CLSTN3: variants seen among roughly 807,000 people sequenced by gnomAD.
CLSTN3 encodes the protein calsyntenin 3.
CLSTN3 carries 36 observed loss-of-function variants against 95.9 expected under a neutral mutation model. That is an observed-to-expected ratio of 0.38 (90% CI 0.29 to 0.50). The LOEUF is 0.50. CLSTN3 is among the 20% of genes least tolerant of loss of function. The pLI, the probability that CLSTN3 is intolerant of heterozygous loss-of-function variation, is 0.95. For synonymous variants in CLSTN3, 481 were observed against 504.0 expected (o/e 0.95, Z 0.61); for missense variants, 1,084 against 1,268.8 (o/e 0.85, Z 2.21).
intron 1 of CLSTN3, chr12:7,131,779 C>T (rs908532410): frequency 8.8e-6 from 4 of 456,304 alleles, no homozygotes; most frequent in Non-Finnish European, 1.8e-5. Context: ...TGTACCGCCT[C>T]CTGTGCACCA....
At chr12:7,154,234 CT>C (rs1939779503) in intron 16 of CLSTN3, among the ~76,000 whole-genome samples, 1 of 152,182 alleles carries the variant, frequency 6.6e-6, no homozygotes, top group South Asian at 2.1e-4. Context: ...TGTTGCAGAA[CT>C]GTGGTTTCAC....
In CLSTN3 at chr12:7,157,363, G is replaced by A. The variant is rs1254213770; in HGVS notation, c.2528-126G>A. The stretch of plus-strand genomic sequence containing the variant: ...CTTCTCCAGGTGTTCCTCTCTTCTC[G>A]GCCACCGTGTGTTCTGCCCTGGGAG... On this transcript the variant is annotated intron_variant, in intron 16 of 17. Transcript: ENST00000266546. The surrounding 1 kb of genome is among the most constrained non-coding windows in gnomAD (Gnocchi z 5.9). 9.2e-6 allele frequency: 7 copies of A among 760,910 alleles called. 1 individual carries two copies. The highest frequency in any genetic ancestry group is 1.0e-5 in the Non-Finnish European group (5 of 495,682). The allele number at this position is 760,910 out of a possible 1,614,324, so 47.1% of individuals were successfully genotyped here.
At chr12:7,144,279 G>A (rs1193905638) in intron 12 of CLSTN3, among the ~76,000 whole-genome samples, 1 of 148,400 alleles carries the variant, frequency 6.7e-6, no homozygotes, top group Admixed American at 6.7e-5. Context: ...TGAATTCTAA[G>A]TGAATGACTT....
chr12:7,136,487 T>C, intron 6 of CLSTN3, 96 bp downstream of exon 6: 1 of 1,104,998 alleles, frequency 9.0e-7, no homozygotes. Context: ...CCACTGGCCA[T>C]CCACAGGTGT....
intron 8 of CLSTN3, among the ~76,000 whole-genome samples, chr12:7,140,646 G>C (rs918452218): frequency 1.2e-4 from 19 of 152,152 alleles, no homozygotes; most frequent in African/African-American, 4.3e-4. Context: ...AGCTATCCTA[G>C]AGATAACCTG....
Position 7,150,748 on chromosome 12 carries a change from G to T in CLSTN3, c.2391+59G>T. The T allele has an allele frequency of 2.5e-6, 4 of 1,593,456 alleles. No individual in the cohort carries two copies. The highest frequency in any genetic ancestry group is 2.2e-5 in the South Asian group (2 of 89,520). On this transcript the variant is annotated intron_variant, in intron 15 of 17. Transcript: ENST00000266546. The surrounding 1 kb of genome is among the most constrained non-coding windows in gnomAD (Gnocchi z 4.0). Reference sequence around the variant, plus strand: ...CCACCCCCAGAAAGGAGCTGAGGTGGCATGGACTCAAAATGTTAGTTGGTG... The same window carrying T: ...CCACCCCCAGAAAGGAGCTGAGGTGTCATGGACTCAAAATGTTAGTTGGTG...
Position 7,136,199 on chromosome 12 carries a change from C to T in CLSTN3, c.743-7C>T, listed in dbSNP as rs1400820042. The T allele has an allele frequency of 6.2e-7, 1 of 1,612,508 alleles. No individual in the cohort carries two copies. The highest frequency in any genetic ancestry group is 8.5e-7 in the Non-Finnish European group (1 of 1,179,120). ...TCCCCATCACCCTCTCTGTCTCACC[C>T]ATGCAGGCTGGAACAAAAGGATCGA... On this transcript the variant is annotated splice_region_variant and splice_polypyrimidine_tract_variant and intron_variant, in intron 5 of 17. Coordinates refer to ENST00000266546, the MANE Select transcript of CLSTN3 (RefSeq NM_014718.4).
At position 7,133,520 on chromosome 12, in the gene CLSTN3, G is replaced by A; in HGVS notation, c.188-53G>A. On this transcript the variant is annotated intron_variant, in intron 2 of 17. Coordinates refer to ENST00000266546, the MANE Select transcript of CLSTN3 (RefSeq NM_014718.4). This position sits in a 1 kb window ranked among gnomAD's most constrained non-coding sequence, Gnocchi z 4.7. ...GCTGGACCCCAGGTGGGGAGACTGA[G>A]GGTGGGGAAGGAGACACAGCAGCCT... 1.3e-6 allele frequency: 2 copies of A among 1,575,044 alleles called. No individual in the cohort carries two copies. The highest frequency in any genetic ancestry group is 2.2e-5 in the South Asian group (2 of 89,806).
In CLSTN3 at chr12:7,135,312, C is replaced by G; in HGVS notation, c.384-15C>G. ...CTGACGTGTCTTCATCCCTCCTTCT[C>G]TCTGGCATATGCAGGGCCACTGTGC... On this transcript the variant is annotated splice_polypyrimidine_tract_variant and intron_variant, in intron 3 of 17. Coordinates refer to ENST00000266546, the MANE Select transcript of CLSTN3 (RefSeq NM_014718.4). The G allele has an allele frequency of 1.2e-6, 2 of 1,612,700 alleles. No homozygotes were observed. The highest frequency in any genetic ancestry group is 1.1e-5 in the South Asian group (1 of 91,046).
chr12:7,129,751 T>G (rs1939242600), upstream of CLSTN3: 1 of 985,266 alleles, frequency 1.0e-6, no homozygotes, highest in Admixed American at 6.2e-5. The surrounding 1 kb of genome is among the most constrained non-coding windows in gnomAD (Gnocchi z 5.5). Flanking sequence ...CTGGGCTTGG[T>G]TCATCATGGT....
At position 7,141,734 on chromosome 12, in the gene CLSTN3, C is replaced by T. The variant is rs1005312234; in HGVS notation, c.1486+330C>T. 2.6e-5 allele frequency among the ~76,000 whole-genome samples: 4 copies of T among 152,150 alleles called. No individual in the cohort carries two copies. Among genetic ancestry groups the T allele is most frequent in the East Asian group, 1.9e-4 (1 of 5,190 alleles). On this transcript the variant is annotated intron_variant, in intron 9 of 17. Transcript: ENST00000266546. This position sits in a 1 kb window ranked among gnomAD's most constrained non-coding sequence, Gnocchi z 4.1. ...CATTCCCCTGCTCAAGGAGAGTAAC[C>T]CCTTAGAGTGTCCTCGGTCTTCCAA...
At position 7,136,301 on chromosome 12, in the gene CLSTN3, A is replaced by G. The variant is rs769934980; in HGVS notation, c.838A>G (p.Ile280Val). The stretch of plus-strand genomic sequence containing the variant: ...GACCTGTGATGAACCACTCTGGAAC[A>G]TTCAGGCCACCATAGAGCTGCAGAC... Reference protein sequence around the residue: ...LETCDEPLWNIQATIELQTSH... With the variant: ...LETCDEPLWNVQATIELQTSH... Residue 280 changes from isoleucine to valine, a missense_variant, in exon 6 of 18, where the codon ATT becomes GTT. Physicochemically the swap from Ile to Val is conservative, Grantham distance 29 (BLOSUM62 3). Transcript: ENST00000266546. 1 of 1,614,238 alleles carries G rather than the reference A, an allele frequency of 6.2e-7. No homozygotes were observed. The highest frequency in any genetic ancestry group is 1.1e-5 in the South Asian group (1 of 91,088).
intron 8 of CLSTN3, among the ~76,000 whole-genome samples, chr12:7,140,589 C>A (rs772113943): frequency 6.6e-6 from 1 of 152,092 alleles, no homozygotes; most frequent in Non-Finnish European, 1.5e-5. Flanking sequence ...CTAGGAGAGA[C>A]TGCAAAGGGA....
chr12:7,158,354 CT>C lies in CLSTN3; in HGVS notation c.*276del, dbSNP rs1373891097. ...GGAAAGTGGGCTGGACTTCAGCTGC[CT>C]TTCTACCCCCAATGGCAGCTGCCCC... On this transcript the variant is annotated 3_prime_UTR_variant, in exon 18 of 18. Coordinates refer to ENST00000266546, the MANE Select transcript of CLSTN3 (RefSeq NM_014718.4). The C allele has an allele frequency of 5.4e-5, 19 of 350,520 alleles. No individual in the cohort carries two copies. The highest frequency in any genetic ancestry group is 1.0e-5 in the Non-Finnish European group (2 of 191,770). The allele number at this position is 350,520 out of a possible 1,614,324, so 21.7% of individuals were successfully genotyped here.
At chr12:7,146,418 G>T (rs79505035) in intron 12 of CLSTN3, among the ~76,000 whole-genome samples, 1 of 145,156 alleles carries the variant, frequency 6.9e-6, no homozygotes, top group Non-Finnish European at 1.5e-5. Context: ...TAGAGAGAGA[G>T]AAAAAAAAAA....
Position 7,130,387 on chromosome 12 carries a change from G to A in CLSTN3, c.-262G>A, listed in dbSNP as rs1205438713. 1.6e-5 allele frequency: 23 copies of A among 1,420,770 alleles called. No individual in the cohort carries two copies. The South Asian group carries it at 3.0e-4, about 18-fold the overall frequency. 88.0% of individuals were successfully genotyped at this position (1,420,770 alleles called of 1,614,324 possible). On this transcript the variant is annotated 5_prime_UTR_variant, in exon 1 of 18. Coordinates refer to ENST00000266546, the MANE Select transcript of CLSTN3 (RefSeq NM_014718.4). ...GCTGACGTCATCCTGCAGTAGCGGG[G>A]TTGGGGTGGGAGTGAGAGAGTGAGG...
At position 7,133,742 on chromosome 12, in the gene CLSTN3, C is replaced by G. The variant is rs369094080; in HGVS notation, c.357C>G (p.Asp119Glu). ...IQAYDCGEGP[D>E]GANTKKSHKA... is the part of the protein sequence containing the mutation. Reference sequence around the variant, plus strand: ...CCTATGACTGTGGCGAGGGCCCCGACGGGGCCAACACCAAGAAGTCCCACA... The same window carrying G: ...CCTATGACTGTGGCGAGGGCCCCGAGGGGGCCAACACCAAGAAGTCCCACA... The change falls in exon 3 of 18, where the codon GAC becomes GAG. Residue 119 changes from aspartate to glutamate, a missense_variant. Physicochemically the swap from Asp to Glu is conservative, Grantham distance 45 (BLOSUM62 2). Coordinates refer to ENST00000266546, the MANE Select transcript of CLSTN3 (RefSeq NM_014718.4). The surrounding 1 kb of genome is among the most constrained non-coding windows in gnomAD (Gnocchi z 4.7). The G allele has an allele frequency of 6.3e-7, 1 of 1,591,198 alleles. No individual in the cohort carries two copies. Among genetic ancestry groups the G allele is most frequent in the African/African-American group, 1.4e-5 (1 of 73,816 alleles).
Position 7,149,029 on chromosome 12 carries a change from C to G in CLSTN3, c.1905C>G (p.Val635=), listed in dbSNP as rs748524111. Reference sequence around the variant, plus strand: ...CTGAAGTGGAGGGCTACGTGGTCGTCCTTCAGCCTGACGCCCCCCAGATCC... The same window carrying G: ...CTGAAGTGGAGGGCTACGTGGTCGTGCTTCAGCCTGACGCCCCCCAGATCC... ...SIPEVEGYVV[V]LQPDAPQILL... Residue 635 remains valine, a synonymous_variant, in exon 13 of 18, where the codon GTC becomes GTG. Coordinates refer to ENST00000266546, the MANE Select transcript of CLSTN3 (RefSeq NM_014718.4). The surrounding 1 kb of genome is among the most constrained non-coding windows in gnomAD (Gnocchi z 4.5). 1.2e-6 allele frequency: 2 copies of G among 1,614,198 alleles called. No homozygotes were observed. Among genetic ancestry groups the G allele is most frequent in the South Asian group, 1.1e-5 (1 of 91,086 alleles).
intron 12 of CLSTN3, among the ~76,000 whole-genome samples, chr12:7,146,381 C>G (rs1798680751): frequency 6.6e-6 from 1 of 151,878 alleles, no homozygotes; most frequent in South Asian, 2.1e-4. Flanking sequence ...GCCTGGGCGA[C>G]AAAGCGAGAC....
Sources: allele counts gnomAD v4.1 joint callset (sites outside exome capture counted in the v4.1 genomes callset), GRCh38; gene constraint gnomAD v4.1.1; non-coding constraint Gnocchi (gnomAD v3.1); transcripts MANE v1.5; gene names NCBI Gene and HGNC (gene_info 2026-07-23, HGNC 2026-07-21).